APBA2: variants seen among roughly 807,000 people sequenced by gnomAD.
The protein encoded by APBA2 is amyloid beta precursor protein binding family A member 2.
In APBA2, 30 loss-of-function variants were observed where a neutral mutation model predicts 75.0. The observed-to-expected ratio is 0.40, with a 90% CI of 0.30 to 0.54. The LOEUF (loss-of-function observed/expected upper bound fraction) is 0.54, where lower values mean the gene tolerates loss of function less well. Ranked by LOEUF, APBA2 falls within the 20% of genes least tolerant of loss-of-function variation. The pLI, the probability that APBA2 is intolerant of heterozygous loss-of-function variation, is 0.49. For synonymous variants in APBA2, 444 were observed against 409.6 expected (o/e 1.08, Z -1.01); for missense variants, 801 against 1,016.1 (o/e 0.79, Z 2.88).
At chr15:28,936,154 T>C (rs1260366474) in intron 2 of APBA2, among the ~76,000 whole-genome samples, 1 of 152,238 alleles carries the variant, frequency 6.6e-6, no homozygotes, top group African/African-American at 2.4e-5. Flanking sequence ...CTGTACATTT[T>C]AATGTGGAAG....
intron 1 of APBA2, among the ~76,000 whole-genome samples, chr15:28,913,240 C>T (rs1195354472): frequency 6.6e-6 from 1 of 152,226 alleles, no homozygotes; most frequent in Non-Finnish European, 1.5e-5. Flanking sequence ...TTGTGTGTGA[C>T]ACCAGGGCCT....
intron 1 of APBA2, among the ~76,000 whole-genome samples, chr15:28,915,838 A>G (rs2033665711): frequency 1.3e-5 from 2 of 148,520 alleles, no homozygotes; most frequent in Non-Finnish European, 3.0e-5. Flanking sequence ...CACACCATAC[A>G]TAGCACACAC....
intron 2 of APBA2, among the ~76,000 whole-genome samples, chr15:28,989,066 C>T (rs554024374): frequency 6.6e-6 from 1 of 152,262 alleles, no homozygotes; most frequent in Non-Finnish European, 1.5e-5. Context: ...TTCCATGTAT[C>T]TATTTTCACA....
intron 4 of APBA2, among the ~76,000 whole-genome samples, chr15:29,068,246 G>A (rs2042462915): frequency 6.6e-6 from 1 of 152,204 alleles, no homozygotes; most frequent in African/African-American, 2.4e-5. Flanking sequence ...TGTGCACACA[G>A]GGCTTCTTGC....
chr15:29,078,444 C>G (rs2042943018), intron 6 of APBA2, among the ~76,000 whole-genome samples: 1 of 151,634 alleles, frequency 6.6e-6, no homozygotes, highest in Admixed American at 6.6e-5. Context: ...AACCCTGTCT[C>G]TACTAAAAAT....
chr15:29,113,320 A>G (rs937051), intron 13 of APBA2, among the ~76,000 whole-genome samples: 130,408 of 151,914 alleles, frequency 0.86, 56,177 homozygotes, highest in Middle Eastern at 0.94. Flanking sequence ...GAACCAGTAT[A>G]TTTGGCACAA....
chr15:29,085,793 C>A (rs1249818920), intron 6 of APBA2, among the ~76,000 whole-genome samples: 3 of 152,114 alleles, frequency 2.0e-5, no homozygotes, highest in African/African-American at 7.2e-5. Flanking sequence ...AGGTCTGGAA[C>A]CAGTTGGTTC....
chr15:28,938,214 C>T (rs1431136538), intron 2 of APBA2, among the ~76,000 whole-genome samples: 1 of 152,154 alleles, frequency 6.6e-6, no homozygotes, highest in Non-Finnish European at 1.5e-5. Flanking sequence ...TGTTTCTAGA[C>T]CAAAACACAT....
chr15:29,093,523 C>T (rs1333960118), intron 7 of APBA2, among the ~76,000 whole-genome samples: 3 of 152,248 alleles, frequency 2.0e-5, no homozygotes, highest in African/African-American at 7.2e-5. Flanking sequence ...CCCAGTTCAA[C>T]AGTATGTGTA....
intron 3 of APBA2, among the ~76,000 whole-genome samples, chr15:28,997,452 A>G (rs1473536505): frequency 2.0e-5 from 3 of 152,234 alleles, no homozygotes; most frequent in Non-Finnish European, 4.4e-5. Context: ...CCGTAATGAC[A>G]TTAGATACAT....
intron 2 of APBA2, among the ~76,000 whole-genome samples, chr15:28,937,840 G>A (rs901485714): frequency 7.9e-5 from 12 of 151,960 alleles, no homozygotes; most frequent in Non-Finnish European, 1.6e-4. Flanking sequence ...TGTATTTTTG[G>A]TAGAGACGGG....
intron 2 of APBA2, among the ~76,000 whole-genome samples, chr15:28,953,993 A>T (rs1489674230): frequency 1.3e-5 from 2 of 152,084 alleles, no homozygotes; most frequent in African/African-American, 2.4e-5. Context: ...GTCCCCACAC[A>T]ACAGGCACCA....
intron 2 of APBA2, among the ~76,000 whole-genome samples, chr15:28,950,219 G>A (rs571405959): frequency 4.6e-5 from 7 of 152,288 alleles, no homozygotes; most frequent in Middle Eastern, 3.4e-3. Flanking sequence ...CCACAGAAGC[G>A]AAGCACCATT....
intron 3 of APBA2, among the ~76,000 whole-genome samples, chr15:29,035,264 A>G (rs1380611683): frequency 2.6e-5 from 4 of 152,250 alleles, no homozygotes; most frequent in African/African-American, 9.6e-5. Flanking sequence ...GGCAGAGAAC[A>G]TCGAATGATT....
chr15:28,982,394 C>T (rs2037672774), intron 2 of APBA2, among the ~76,000 whole-genome samples: 1 of 152,152 alleles, frequency 6.6e-6, no homozygotes, highest in Admixed American at 6.5e-5. Context: ...TAACTAAGTA[C>T]CCATCCTATG....
intron 2 of APBA2, among the ~76,000 whole-genome samples, chr15:28,940,356 C>CAAAAAAAAA (rs398043111): frequency 0.037 from 1,415 of 38,356 alleles, 5 homozygotes; most frequent in Non-Finnish European, 0.067. Context: ...ACTAAAAATA[C>CAAAAAAAAA]AAAAAAAAAA....
chr15:29,093,845 A>G lies in APBA2; in HGVS notation c.1216-433A>G, dbSNP rs186018560. On this transcript the variant is annotated intron_variant, in intron 7 of 14. Coordinates refer to ENST00000683413, the MANE Select transcript of APBA2 (RefSeq NM_001353788.2). ...TCCTCCCCAGCCCTCACCATACACA[A>G]CCTCCTCTAACAGAAGCAGAGAAGC... Among the ~76,000 whole-genome samples, 766 of 152,054 alleles carry G rather than the reference A, an allele frequency of 5.0e-3. 6 individuals are homozygous for G. The highest frequency in any genetic ancestry group is 0.018 in the African/African-American group (735 of 41,486).
chr15:28,919,373 C>A (rs1438472477), intron 1 of APBA2: 2 of 152,222 alleles, frequency 1.3e-5, no homozygotes, highest in Non-Finnish European at 2.9e-5. Flanking sequence ...AATGAACAAC[C>A]GCTGACTTCC....
intron 4 of APBA2, among the ~76,000 whole-genome samples, chr15:29,056,698 A>G: frequency 6.9e-6 from 1 of 145,188 alleles, no homozygotes; most frequent in South Asian, 2.3e-4. Flanking sequence ...TCACAAATTA[A>G]TTCTGTCAAG....
Sources: gnomAD v4.1 joint callset for allele counts (sites outside exome capture counted in the v4.1 genomes callset) on GRCh38, gnomAD v4.1.1 for gene constraint, MANE v1.5 for transcripts, NCBI Gene and HGNC (gene_info 2026-07-23, HGNC 2026-07-21) for gene names.